Variants in IL1RAPL1 observed in about 807,000 individuals in gnomAD.
The protein encoded by IL1RAPL1 is interleukin 1 receptor accessory protein like 1.
IL1RAPL1 carries 3 observed loss-of-function variants against 48.4 expected under a neutral mutation model. The ratio of observed to expected loss-of-function variants is 0.06; its 90% confidence interval spans 0.03 to 0.16. The LOEUF is 0.16. IL1RAPL1 is among the 10% of genes least tolerant of loss of function. IL1RAPL1 has a pLI of 1.00. For synonymous variants in IL1RAPL1, 185 were observed against 187.7 expected, an observed-to-expected ratio of 0.99 and a Z score of 0.12; for missense variants, 349 against 530.6, an observed-to-expected ratio of 0.66 and a Z score of 3.36.
intron 1 of IL1RAPL1, among the ~76,000 whole-genome samples, chrX:28,654,128 C>T (rs1252126236): frequency 2.5e-5 from 2 of 80,308 alleles, no homozygotes; most frequent in East Asian, 5.1e-4. Flanking sequence ...ACTCCACCCA[C>T]CCCCGACCCC....
intron 2 of IL1RAPL1, among the ~76,000 whole-genome samples, chrX:29,237,720 T>A (rs990681038): frequency 8.9e-6 from 1 of 112,188 alleles, no homozygotes; most frequent in Non-Finnish European, 1.9e-5. Flanking sequence ...TGTGTCTGAC[T>A]GCCACTGGGC....
chrX:29,370,375 G>A (rs1312685990), intron 3 of IL1RAPL1, among the ~76,000 whole-genome samples: 2 of 110,511 alleles, frequency 1.8e-5, no homozygotes, highest in Middle Eastern at 4.7e-3. Flanking sequence ...ATTGGTGGTG[G>A]TGGTATTTTA....
intron 2 of IL1RAPL1, among the ~76,000 whole-genome samples, chrX:29,019,178 C>T (rs1253082516): frequency 9.0e-6 from 1 of 111,066 alleles, no homozygotes; most frequent in Non-Finnish European, 1.9e-5. Flanking sequence ...CAACGGATCC[C>T]TCCCATGACC....
At chrX:29,105,445 A>T (rs1322710528) in intron 2 of IL1RAPL1, among the ~76,000 whole-genome samples, 1 of 111,890 alleles carries the variant, frequency 8.9e-6, no homozygotes, top group Middle Eastern at 4.2e-3. Flanking sequence ...CCTAGAACAG[A>T]CCCTGAAAAC....
chrX:28,829,662 C>T (rs898102732), intron 2 of IL1RAPL1, among the ~76,000 whole-genome samples: 4 of 107,106 alleles, frequency 3.7e-5, no homozygotes, highest in Admixed American at 1.0e-4. Flanking sequence ...CAGGTTCAAG[C>T]GATTCTCCTA....
intron 2 of IL1RAPL1, among the ~76,000 whole-genome samples, chrX:28,900,041 T>G (rs780667226): frequency 1.8e-5 from 2 of 112,176 alleles, no homozygotes; most frequent in East Asian, 5.6e-4. Flanking sequence ...TAAACTGTGT[T>G]TCATATTTAG....
intron 5 of IL1RAPL1, among the ~76,000 whole-genome samples, chrX:29,493,242 T>A (rs1039986292): frequency 8.9e-5 from 10 of 112,093 alleles, no homozygotes; most frequent in Admixed American, 2.9e-4. Context: ...ATCAAAGTTT[T>A]GTCTGGTGAG....
At chrX:28,756,740 C>T (rs1320216096) in intron 1 of IL1RAPL1, among the ~76,000 whole-genome samples, 1 of 111,815 alleles carries the variant, frequency 8.9e-6, no homozygotes, top group Non-Finnish European at 1.9e-5. Context: ...TTCTTACTTC[C>T]CAGCATTTGA....
At chrX:29,774,379 A>C (rs1236957667) in intron 6 of IL1RAPL1, among the ~76,000 whole-genome samples, 1 of 111,345 alleles carries the variant, frequency 9.0e-6, no homozygotes, top group African/African-American at 3.3e-5. Context: ...TTCAAAGGTT[A>C]GTTAAGGAGT....
chrX:28,996,719 A>G (rs1311511823), intron 2 of IL1RAPL1, among the ~76,000 whole-genome samples: 1 of 110,579 alleles, frequency 9.0e-6, no homozygotes, highest in African/African-American at 3.3e-5. Context: ...ACGTTGTGCA[A>G]CCATCACCAT....
At chrX:29,715,685 A>G (rs67517606) in intron 6 of IL1RAPL1, among the ~76,000 whole-genome samples, 35,475 of 110,450 alleles carry the variant, frequency 0.32, 4,740 homozygotes, top group South Asian at 0.48. Context: ...TTCTCCTGAA[A>G]GTACTCTCCC....
intron 2 of IL1RAPL1, among the ~76,000 whole-genome samples, chrX:29,083,834 A>T (rs1569233480): frequency 9.0e-6 from 1 of 111,714 alleles, no homozygotes. Flanking sequence ...CAAACTAAGA[A>T]TTTTTTTTAA....
At chrX:29,719,723 C>T (rs772216446) in intron 6 of IL1RAPL1, among the ~76,000 whole-genome samples, 1 of 93,671 alleles carries the variant, frequency 1.1e-5, no homozygotes, top group South Asian at 5.7e-4. Context: ...TCAAACTGCT[C>T]TCTCTCTCTG....
chrX:28,733,092 G>GGT (rs776955168), intron 1 of IL1RAPL1, among the ~76,000 whole-genome samples: 2,916 of 107,708 alleles, frequency 0.027, 120 homozygotes, highest in African/African-American at 0.094. Context: ...TTATTATACA[G>GGT]GTGTGTGTGT....
chrX:28,869,617 A>T (rs1350608231), intron 2 of IL1RAPL1, among the ~76,000 whole-genome samples: 1 of 112,271 alleles, frequency 8.9e-6, no homozygotes, highest in Non-Finnish European at 1.9e-5. Context: ...TTAAGATGGA[A>T]TTCATATAAC....
At chrX:29,905,521 A>G (rs1239436279) in intron 6 of IL1RAPL1, among the ~76,000 whole-genome samples, 1 of 107,380 alleles carries the variant, frequency 9.3e-6, no homozygotes. Context: ...TCTTTCTTTA[A>G]TCCGTCTTGA....
chrX:28,636,391 T>G (rs943772969), intron 1 of IL1RAPL1, among the ~76,000 whole-genome samples: 1 of 112,270 alleles, frequency 8.9e-6, no homozygotes, highest in Non-Finnish European at 1.9e-5. Context: ...ATTTGATCTA[T>G]GTTATTTGGA....
chrX:29,746,337 GTA>G (rs1928335065), intron 6 of IL1RAPL1, among the ~76,000 whole-genome samples: 1 of 111,738 alleles, frequency 8.9e-6, no homozygotes, highest in Non-Finnish European at 1.9e-5. Context: ...TAATTTTATT[GTA>G]AGGAAAGAAC....
intron 5 of IL1RAPL1, among the ~76,000 whole-genome samples, chrX:29,451,236 G>A (rs1934675702): frequency 9.5e-6 from 1 of 105,306 alleles, no homozygotes. Flanking sequence ...TGCCCAGACT[G>A]GAGTGCAGAG....
Sources: gnomAD v4.1 joint callset for allele counts (sites outside exome capture counted in the v4.1 genomes callset) on GRCh38, gnomAD v4.1.1 for gene constraint, MANE v1.5 for transcripts, NCBI Gene and HGNC (gene_info 2026-07-23, HGNC 2026-07-21) for gene names.